The following SEC24A variants were observed in gnomAD, a reference collection of about 807,000 sequenced individuals.
SEC24A encodes protein transport protein Sec24A.
A neutral mutation model predicts 129.4 loss-of-function variants in SEC24A; 93 were observed. The ratio of observed to expected loss-of-function variants is 0.72; its 90% CI spans 0.61 to 0.85. The LOEUF is 0.85. SEC24A is among the 40% of genes least tolerant of loss of function. The pLI, the probability that SEC24A is intolerant of heterozygous loss-of-function variation, is 0.00. For synonymous variants in SEC24A, 460 were observed against 467.3 expected (o/e 0.98, Z 0.20); for missense variants, 1,264 against 1,307.4 (o/e 0.97, Z 0.51).
chr5:134,716,186 G>C (rs1752471045), intron 19 of SEC24A, among the ~76,000 whole-genome samples: 1 of 152,156 alleles, frequency 6.6e-6, no homozygotes, highest in Admixed American at 6.6e-5. Context: ...TTTCAGGCCA[G>C]GTATGGTGGC....
intron 10 of SEC24A, among the ~76,000 whole-genome samples, chr5:134,687,321 C>CTAA (rs1312460602): frequency 3.9e-5 from 6 of 152,178 alleles, no homozygotes; most frequent in Non-Finnish European, 7.3e-5. Context: ...CACATATGAT[C>CTAA]TAATACCTAG....
chr5:134,679,701 T>C lies in SEC24A; in HGVS notation c.1354T>C (p.Cys452Arg), dbSNP rs1481853977. The change falls in exon 8 of 23, where the codon TGT (cysteine) becomes CGT (arginine). Residue 452 changes from cysteine (C) to arginine (R), a missense_variant. Transcript: ENST00000398844. Reference sequence around the variant, plus strand: ...CTTTCTTGATCAAAGGAGATGGAAGTGTAACTTATGTTATCGAGTCAATGA... The same window carrying C: ...CTTTCTTGATCAAAGGAGATGGAAGCGTAACTTATGTTATCGAGTCAATGA... ...VSFLDQRRWK[C>R]NLCYRVNDVP... is the part of the protein sequence containing the mutation. 1.9e-6 allele frequency: 3 copies of C among 1,596,706 alleles called. No homozygotes were observed. Among genetic ancestry groups the C allele is most frequent in the East Asian group, 2.2e-5 (1 of 44,656 alleles).
At position 134,686,825 on chromosome 5, in the gene SEC24A, A is replaced by C. The variant is rs376294114; in HGVS notation, c.1527A>C (p.Val509=). The change falls in exon 10 of 23, where the codon GTA becomes GTC. Residue 509 remains valine, a synonymous_variant. Coordinates refer to ENST00000398844, the MANE Select transcript of SEC24A (RefSeq NM_021982.3). ...RPPQPPVYLF[V]FDVSHNAVET... ...CTCAGCCTCCAGTGTATCTCTTTGT[A>C]TTTGATGTGTCTCACAATGCAGTCG... 3.1e-6 allele frequency: 5 copies of C among 1,609,462 alleles called. No homozygotes were observed. In the African/African-American group the frequency reaches 6.7e-5, roughly 22 times the overall value.
At chr5:134,672,352 T>C (rs1010367249) in intron 4 of SEC24A, among the ~76,000 whole-genome samples, 6 of 152,188 alleles carry the variant, frequency 3.9e-5, no homozygotes, top group Admixed American at 1.3e-4. Context: ...CACACCCTGC[T>C]GATTTTTGTA....
chr5:134,708,972 G>A, intron 18 of SEC24A, 84 bp downstream of exon 18: 4 of 1,313,520 alleles, frequency 3.0e-6, no homozygotes, highest in Non-Finnish European at 4.2e-6. Flanking sequence ...TTGGGTGGCT[G>A]ACGTGGGTGG....
intron 6 of SEC24A, 88 bp from the exon 7 acceptor site, chr5:134,675,935 T>TACCC (rs1288180012): frequency 1.5e-5 from 13 of 882,998 alleles, no homozygotes; most frequent in Non-Finnish European, 1.9e-5. Context: ...GATCCAGTAT[T>TACCC]AAAATGTATA....
At position 134,686,734 on chromosome 5, in the gene SEC24A, A is replaced by G. The variant is rs1751464930; in HGVS notation, c.1492-56A>G. 5 of 1,032,382 alleles carry G rather than the reference A, an allele frequency of 4.8e-6. No homozygotes were observed. In the East Asian group the frequency reaches 1.2e-4, roughly 25 times the overall value. The allele number at this position is 1,032,382 out of a possible 1,614,324, so 64.0% of individuals were successfully genotyped here. A position where few individuals can be genotyped will look rare whatever the true frequency, so the allele number is the denominator to read the frequency against. On this transcript the variant is annotated intron_variant, in intron 9 of 22. Coordinates refer to ENST00000398844, the MANE Select transcript of SEC24A (RefSeq NM_021982.3). ...TGTTTTGCTGTATGTGTACCCAGCA[A>G]ATAAGTTTAAACTTAATCCTGTTAA...
intron 1 of SEC24A, among the ~76,000 whole-genome samples, chr5:134,655,923 T>G (rs1490698959): frequency 1.3e-5 from 2 of 151,910 alleles, no homozygotes; most frequent in Non-Finnish European, 2.9e-5. Context: ...TTCTCTCTCC[T>G]CCTTAAATAT....
chr5:134,689,332 A>G (rs538451070), intron 11 of SEC24A, among the ~76,000 whole-genome samples: 31 of 152,354 alleles, frequency 2.0e-4, no homozygotes, highest in African/African-American at 7.5e-4. Context: ...TATATACTCC[A>G]AAAAATCGAA....
At chr5:134,669,562 C>T (rs999188517) in intron 3 of SEC24A, among the ~76,000 whole-genome samples, 87 of 151,592 alleles carry the variant, frequency 5.7e-4, no homozygotes, top group African/African-American at 2.0e-3. Context: ...CTGCAACCTC[C>T]GCTCCCGGGT....
intron 4 of SEC24A, among the ~76,000 whole-genome samples, chr5:134,673,247 G>C (rs550637428): frequency 1.3e-5 from 2 of 151,424 alleles, no homozygotes; most frequent in African/African-American, 4.8e-5. Context: ...GTAGAGATAG[G>C]GTTTAACCAC....
Position 134,661,414 on chromosome 5 carries a change from C to T in SEC24A, c.393C>T (p.Asn131=), listed in dbSNP as rs1328024684. 6.2e-7 allele frequency: 1 copy of T among 1,614,164 alleles called. No homozygotes were observed. Among genetic ancestry groups the T allele is most frequent in the East Asian group, 2.2e-5 (1 of 44,888 alleles). ...CTAGTAGCTTTCTTCCTGAAGCCAA[C>T]CTGCCACCACCTTTGAATTGGCAAT... ...MPSSSFLPEA[N]LPPPLNWQYN... The change falls in exon 2 of 23, where the codon AAC becomes AAT. Residue 131 remains asparagine (N), a synonymous_variant. Coordinates refer to ENST00000398844, the MANE Select transcript of SEC24A (RefSeq NM_021982.3).
At chr5:134,664,841 C>T (rs1580687256) in intron 2 of SEC24A, among the ~76,000 whole-genome samples, 1 of 147,136 alleles carries the variant, frequency 6.8e-6, no homozygotes, top group Admixed American at 6.8e-5. Context: ...CTCTGTCGCC[C>T]AGGCTAGAGT....
chr5:134,652,030 T>G (rs1475925519), intron 1 of SEC24A, among the ~76,000 whole-genome samples: 1 of 151,172 alleles, frequency 6.6e-6, no homozygotes, highest in Non-Finnish European at 1.5e-5. Context: ...CAAGCAATTC[T>G]CCTGCCTCAG....
chr5:134,666,009 G>C (rs955717535), intron 2 of SEC24A, among the ~76,000 whole-genome samples: 1 of 152,168 alleles, frequency 6.6e-6, no homozygotes, highest in African/African-American at 2.4e-5. Context: ...GGGCTGGCCA[G>C]GTACAGTGGC....
intron 20 of SEC24A, among the ~76,000 whole-genome samples, chr5:134,719,966 C>T (rs1752584848): frequency 6.6e-6 from 1 of 151,382 alleles, no homozygotes; most frequent in South Asian, 2.1e-4. Context: ...GCCTGGGCAA[C>T]AAGAGCAAAA....
intron 19 of SEC24A, among the ~76,000 whole-genome samples, chr5:134,715,965 T>G (rs1355106161): frequency 4.6e-5 from 7 of 152,088 alleles, no homozygotes; most frequent in Non-Finnish European, 1.0e-4. Flanking sequence ...CGTCTAGATC[T>G]GAGAGTGAAA....
At chr5:134,660,982 CTATT>C (rs1158148195) in intron 1 of SEC24A, 133 bp from the exon 2 acceptor site, 2 of 678,056 alleles carry the variant, frequency 2.9e-6, no homozygotes, top group South Asian at 4.1e-5. Flanking sequence ...GTTTGAATGT[CTATT>C]TAAGTCCTTT....
intron 18 of SEC24A, among the ~76,000 whole-genome samples, chr5:134,711,083 C>T (rs1267424833): frequency 6.6e-6 from 1 of 152,176 alleles, no homozygotes; most frequent in African/African-American, 2.4e-5. Flanking sequence ...TTGCAGTGAG[C>T]TGAGATTGCA....
Sources: gnomAD v4.1 joint callset for allele counts (sites outside exome capture counted in the v4.1 genomes callset) on GRCh38, gnomAD v4.1.1 for gene constraint, MANE v1.5 for transcripts, NCBI Gene and HGNC (gene_info 2026-07-23, HGNC 2026-07-21) for gene names.